Variants in OSBPL11 observed in about 807,000 individuals in gnomAD.
OSBPL11 encodes oxysterol-binding protein-related protein 11.
Under a neutral mutation model 84.4 loss-of-function variants are expected in OSBPL11, and 33 were observed. The ratio of observed to expected loss-of-function variants is 0.39; its 90% CI spans 0.30 to 0.52. The LOEUF (loss-of-function observed/expected upper bound fraction) is 0.52. OSBPL11 is among the 20% of genes least tolerant of loss of function. The probability of loss-of-function intolerance (pLI) is 0.72; values close to 1 mark genes in which losing one functional copy is unlikely to be tolerated. For missense variants in OSBPL11, 736 were observed against 901.1 expected (o/e 0.82, Z 2.35); for synonymous variants, 276 against 310.2 (o/e 0.89, Z 1.16).
intron 1 of OSBPL11, among the ~76,000 whole-genome samples, chr3:125,592,100 A>T (rs1338438192): frequency 6.6e-6 from 1 of 152,160 alleles, no homozygotes; most frequent in Non-Finnish European, 1.5e-5. Flanking sequence ...TTGCTCTGTC[A>T]CCCAGGCTTG....
intron 2 of OSBPL11, 131 bp downstream of exon 2, chr3:125,582,779 A>C: frequency 1.4e-6 from 1 of 707,302 alleles, no homozygotes. Context: ...AACTTTTAGA[A>C]GCTGTGGGAA....
intron 10 of OSBPL11, among the ~76,000 whole-genome samples, chr3:125,545,281 A>G (rs1373205859): frequency 2.0e-5 from 3 of 152,240 alleles, no homozygotes; most frequent in African/African-American, 7.2e-5. Context: ...AAAAAGTGAT[A>G]TGCTTCCTTC....
chr3:125,587,829 C>T (rs1936536972), intron 1 of OSBPL11, among the ~76,000 whole-genome samples: 1 of 152,128 alleles, frequency 6.6e-6, no homozygotes, highest in African/African-American at 2.4e-5. Flanking sequence ...ATCCCAGCTA[C>T]TCAGGACACT....
intron 5 of OSBPL11, among the ~76,000 whole-genome samples, chr3:125,572,687 G>A (rs950085297): frequency 1.3e-4 from 19 of 151,656 alleles, no homozygotes; most frequent in Non-Finnish European, 1.3e-4. Flanking sequence ...CTTGCCTTCC[G>A]CCATGATTGT....
At chr3:125,584,167 C>T (rs923227831) in intron 1 of OSBPL11, among the ~76,000 whole-genome samples, 1 of 152,098 alleles carries the variant, frequency 6.6e-6, no homozygotes, top group Non-Finnish European at 1.5e-5. Flanking sequence ...GAGTTCGAGA[C>T]CAGCCTGGCC....
chr3:125,587,635 GT>G (rs1936534542), intron 1 of OSBPL11, among the ~76,000 whole-genome samples: 1 of 152,162 alleles, frequency 6.6e-6, no homozygotes, highest in Non-Finnish European at 1.5e-5. Context: ...CAGAGAAAGT[GT>G]TTCAAGATAA....
chr3:125,589,420 A>T (rs192172804), intron 1 of OSBPL11, among the ~76,000 whole-genome samples: 32 of 152,048 alleles, frequency 2.1e-4, no homozygotes, highest in Admixed American at 8.5e-4. Flanking sequence ...ACAGCACATT[A>T]TTAATAAACC....
intron 11 of OSBPL11, 109 bp from the exon 12 acceptor site, chr3:125,532,123 C>A (rs1935568544): frequency 1.1e-5 from 13 of 1,136,118 alleles, no homozygotes; most frequent in Non-Finnish European, 1.6e-5. Context: ...TTTCCTAAAT[C>A]ACATCTACAA....
At chr3:125,554,367 A>T (rs1935958931) in intron 8 of OSBPL11, among the ~76,000 whole-genome samples, 1 of 152,214 alleles carries the variant, frequency 6.6e-6, no homozygotes, top group African/African-American at 2.4e-5. Flanking sequence ...CAAGTATGAG[A>T]TGAAAAAATT....
chr3:125,577,638 G>A (rs368013029), intron 4 of OSBPL11, among the ~76,000 whole-genome samples: 127 of 152,138 alleles, frequency 8.3e-4, no homozygotes, highest in African/African-American at 2.9e-3. Flanking sequence ...GACCAGCCTG[G>A]CCAACATGGC....
chr3:125,563,766 T>G lies in OSBPL11; in HGVS notation c.946A>C (p.Thr316Pro), dbSNP rs140266005. The stretch of plus-strand genomic sequence containing the variant: ...ACTGCCACCGGCTTACTCTGATCAG[T>G]TGCAAAGGGCTGGTCAGCTCCATTT... The part of the protein sequence containing the change: ...YKNGADQPFA[T>P]DQSKPVAVPE... The change falls in exon 7 of 13, where the codon ACT becomes CCT. Residue 316 changes from threonine to proline, a missense_variant. Physicochemically the swap from Thr to Pro is conservative, Grantham distance 38. This residue lies in a region of OSBPL11 where 579 missense variants were observed against 717.6 expected (regional missense o/e 0.81). Coordinates refer to ENST00000296220, the MANE Select transcript of OSBPL11 (RefSeq NM_022776.5). 5.1e-4 allele frequency: 822 copies of G among 1,613,852 alleles called. No individual in the cohort carries two copies. Among genetic ancestry groups the G allele is most frequent in the Non-Finnish European group, 6.7e-4 (790 of 1,179,838 alleles).
intron 9 of OSBPL11, 27 bp downstream of exon 9, chr3:125,552,154 T>C (rs1216774518): frequency 1.3e-5 from 16 of 1,254,382 alleles, no homozygotes; most frequent in Non-Finnish European, 1.6e-5. Context: ...TATATATATA[T>C]ATATATAAAA....
At chr3:125,584,650 T>C (rs1476463793) in intron 1 of OSBPL11, among the ~76,000 whole-genome samples, 2 of 152,236 alleles carry the variant, frequency 1.3e-5, no homozygotes, top group Admixed American at 1.3e-4. Context: ...TACAGTTCAA[T>C]TCCTCTGGCT....
At chr3:125,531,548 C>A (rs1265448600) in intron 12 of OSBPL11, among the ~76,000 whole-genome samples, 1 of 152,098 alleles carries the variant, frequency 6.6e-6, no homozygotes, top group East Asian at 1.9e-4. Context: ...GCCTCGGCCT[C>A]GCAAAGTACT....
chr3:125,548,962 TTC>T (rs1395311357), intron 9 of OSBPL11, among the ~76,000 whole-genome samples: 1 of 151,996 alleles, frequency 6.6e-6, no homozygotes, highest in Non-Finnish European at 1.5e-5. Context: ...AAAAACATGG[TTC>T]TGGCTATATT....
intron 11 of OSBPL11, among the ~76,000 whole-genome samples, chr3:125,537,763 T>C (rs1935663562): frequency 6.6e-6 from 1 of 152,178 alleles, no homozygotes; most frequent in Admixed American, 6.5e-5. Context: ...CTTGTAAAAA[T>C]TAAGTCTCTT....
At chr3:125,566,119 C>T (rs1388460641) in intron 6 of OSBPL11, among the ~76,000 whole-genome samples, 2 of 152,096 alleles carry the variant, frequency 1.3e-5, no homozygotes, top group Admixed American at 6.5e-5. Flanking sequence ...GATTCTCCTG[C>T]CTCAGCTTCC....
rs1451413461 is a variant in OSBPL11 at position 125,560,448 on chromosome 3, A to G, written c.1086T>C (p.Ala362=). ...GGATGACACTACGTTGTTCTTCTAC[A>G]GCTCCCAGGTCATCCTCTTTGTGGT... ...TCDHKEDDLG[A]VEEQRSVILH... Residue 362 remains alanine, a synonymous_variant, in exon 8 of 13, where the codon GCT becomes GCC. Coordinates refer to ENST00000296220, the MANE Select transcript of OSBPL11 (RefSeq NM_022776.5). 4 of 1,608,838 alleles carry G rather than the reference A, an allele frequency of 2.5e-6. No individual in the cohort carries two copies. In the East Asian group the frequency reaches 6.7e-5, roughly 27 times the overall value.
chr3:125,557,275 T>C (rs1335293574), intron 8 of OSBPL11, among the ~76,000 whole-genome samples: 1 of 152,200 alleles, frequency 6.6e-6, no homozygotes. Context: ...CCTAGCACAG[T>C]GTCTGGAATA....
Sources: gnomAD v4.1 joint callset for allele counts (sites outside exome capture counted in the v4.1 genomes callset) on GRCh38, gnomAD v4.1.1 for gene constraint, gnomAD v4.1.1 regional missense constraint, MANE v1.5 for transcripts, NCBI Gene and HGNC (gene_info 2026-07-23, HGNC 2026-07-21) for gene names.